The following SNX29 variants were observed in gnomAD, a reference collection of about 807,000 sequenced individuals.
SNX29 encodes the protein sorting nexin-29.
A neutral mutation model predicts 102.1 loss-of-function variants in SNX29; 78 were observed. The ratio of observed to expected loss-of-function variants is 0.76; its 90% CI spans 0.64 to 0.92. SNX29 has a LOEUF of 0.92. Ranked by LOEUF, SNX29 falls within the 40% of genes least tolerant of loss-of-function variation. The pLI is 0.00. For missense variants in SNX29, 1,280 were observed against 1,061.7 expected (o/e 1.21, Z -2.86); for synonymous variants, 580 against 414.5 (o/e 1.40, Z -4.85).
chr16:12,563,201 C>T (rs1333692685), intron 20 of SNX29, among the ~76,000 whole-genome samples: 2 of 41,654 alleles, frequency 4.8e-5, no homozygotes, highest in Non-Finnish European at 9.8e-5. Flanking sequence ...AGTCAACATG[C>T]TGGGATTGAG....
chr16:12,255,126 CA>C (rs2078531334), intron 14 of SNX29, among the ~76,000 whole-genome samples: 1 of 152,168 alleles, frequency 6.6e-6, no homozygotes, highest in Non-Finnish European at 1.5e-5. Context: ...TTCATCACTT[CA>C]CATACTTTTT....
chr16:12,214,926 C>T (rs927905756), intron 14 of SNX29, among the ~76,000 whole-genome samples: 19 of 152,174 alleles, frequency 1.2e-4, no homozygotes, highest in African/African-American at 4.6e-4. Context: ...AAACATTAGC[C>T]AGGATATAAG....
At chr16:12,067,901 T>C (rs2051108668) in intron 9 of SNX29, among the ~76,000 whole-genome samples, 1 of 152,218 alleles carries the variant, frequency 6.6e-6, no homozygotes, top group Non-Finnish European at 1.5e-5. Flanking sequence ...CTTGAGCATT[T>C]ATGAAAATTG....
At chr16:12,349,679 A>C (rs1380534597) in intron 15 of SNX29, among the ~76,000 whole-genome samples, 1 of 152,260 alleles carries the variant, frequency 6.6e-6, no homozygotes, top group East Asian at 1.9e-4. Context: ...ATACTTGTAT[A>C]GGCATCTAAA....
intron 18 of SNX29, among the ~76,000 whole-genome samples, chr16:12,419,684 G>A (rs1181791427): frequency 3.3e-5 from 5 of 152,202 alleles, no homozygotes; most frequent in African/African-American, 1.2e-4. Flanking sequence ...AAATGTCCAT[G>A]CTGCCCCCAG....
chr16:12,230,903 G>T (rs979615163), intron 14 of SNX29, among the ~76,000 whole-genome samples: 1 of 152,124 alleles, frequency 6.6e-6, no homozygotes. Context: ...CTGGAGTGCA[G>T]TGCCATGATC....
At chr16:12,261,831 G>T (rs1175025158) in intron 14 of SNX29, among the ~76,000 whole-genome samples, 4 of 133,762 alleles carry the variant, frequency 3.0e-5, no homozygotes, top group Admixed American at 7.9e-5. Flanking sequence ...GTAAGTGTTT[G>T]CTCTGAGCTC....
At chr16:12,024,284 A>G (rs865857439) in intron 3 of SNX29, among the ~76,000 whole-genome samples, 3 of 152,148 alleles carry the variant, frequency 2.0e-5, no homozygotes, top group Non-Finnish European at 4.4e-5. Flanking sequence ...GATTATAAGC[A>G]TGTGCCGCCA....
chr16:12,554,806 TG>T (rs1028179804), intron 20 of SNX29, among the ~76,000 whole-genome samples: 2 of 152,204 alleles, frequency 1.3e-5, no homozygotes, highest in Non-Finnish European at 2.9e-5. Flanking sequence ...TCTAGAAATT[TG>T]TATTGAGCAC....
chr16:12,566,510 C>T (rs544423394), intron 20 of SNX29, among the ~76,000 whole-genome samples: 1 of 152,350 alleles, frequency 6.6e-6, no homozygotes, highest in African/African-American at 2.4e-5. Context: ...TAAGTGGCTG[C>T]TCAGACCCCG....
intron 19 of SNX29, among the ~76,000 whole-genome samples, chr16:12,507,834 C>T (rs867232770): frequency 1.1e-4 from 17 of 152,170 alleles, no homozygotes; most frequent in Non-Finnish European, 2.4e-4. Flanking sequence ...TGACAGGTGG[C>T]GCTTCTGTGC....
At chr16:12,242,824 G>T (rs115531180) in intron 14 of SNX29, among the ~76,000 whole-genome samples, 2,786 of 151,014 alleles carry the variant, frequency 0.018, 71 homozygotes, top group African/African-American at 0.059. Context: ...GCCTTGCTGG[G>T]TTTTTTTTTG....
chr16:12,563,782 T>C (rs1319053607), intron 20 of SNX29, among the ~76,000 whole-genome samples: 1 of 152,252 alleles, frequency 6.6e-6, no homozygotes, highest in Non-Finnish European at 1.5e-5. Context: ...TGCCGACCTG[T>C]CTGAAGACTG....
At position 12,048,455 on chromosome 16, in the gene SNX29, C is replaced by T. The variant is rs773363311; in HGVS notation, c.583C>T (p.Leu195Phe). Residue 195 changes from leucine to phenylalanine, a missense_variant, in exon 7 of 21, where the codon CTC becomes TTC. By Grantham distance (22) the Leu-to-Phe change is conservative (BLOSUM62 0). Transcript: ENST00000566228. The stretch of plus-strand genomic sequence containing the variant: ...TAAGTTTGCTCCCACCGTTTCAGAC[C>T]TCTTAAAGGAGTCAACGCAGAACGT... ...QSKFAPTVSD[L>F]LKESTQNVTS... is the part of the protein sequence containing the mutation. The T allele has an allele frequency of 1.1e-5, 17 of 1,613,896 alleles. No homozygotes were observed. The highest frequency in any genetic ancestry group is 3.3e-4 in the Middle Eastern group (2 of 6,056).
intron 19 of SNX29, among the ~76,000 whole-genome samples, chr16:12,503,114 C>T (rs762872292): frequency 3.3e-5 from 5 of 151,988 alleles, no homozygotes; most frequent in Non-Finnish European, 7.4e-5. Flanking sequence ...ACCACCCCCA[C>T]CCCCAGGGTC....
intron 19 of SNX29, among the ~76,000 whole-genome samples, chr16:12,481,810 C>T (rs143677291): frequency 0.01 from 1,531 of 152,302 alleles, 31 homozygotes; most frequent in African/African-American, 0.035. Flanking sequence ...GCTGGGATTA[C>T]AGGTGTGAGT....
chr16:11,992,657 G>T (rs2055898619), intron 1 of SNX29, among the ~76,000 whole-genome samples: 1 of 152,212 alleles, frequency 6.6e-6, no homozygotes, highest in South Asian at 2.1e-4. Flanking sequence ...GAGAGTTAGG[G>T]AGAGCAGGGC....
At chr16:12,437,873 C>T (rs1405508132) in intron 18 of SNX29, among the ~76,000 whole-genome samples, 1 of 152,184 alleles carries the variant, frequency 6.6e-6, no homozygotes, top group Non-Finnish European at 1.5e-5. Context: ...AGCCCAGGGC[C>T]ACTGCCTGGC....
intron 18 of SNX29, chr16:12,443,211 G>T (rs911438938): frequency 8.8e-6 from 3 of 340,460 alleles, no homozygotes; most frequent in Non-Finnish European, 1.7e-5. Context: ...TCCTGCTGGG[G>T]ACATGGCATT....
Sources: allele counts gnomAD v4.1 joint callset (sites outside exome capture counted in the v4.1 genomes callset), GRCh38; gene constraint gnomAD v4.1.1; transcripts MANE v1.5; gene names NCBI Gene and HGNC (gene_info 2026-07-23, HGNC 2026-07-21).